CFAP20DC: variants seen among roughly 807,000 people sequenced by gnomAD.
CFAP20DC encodes CFAP20 domain containing, also known as protein CFAP20DC.
A neutral mutation model predicts 101.7 loss-of-function variants in CFAP20DC; 84 were observed. The observed-to-expected ratio is 0.83, with a 90% CI of 0.69 to 0.99. CFAP20DC has a LOEUF of 0.99. Among genes scored for constraint, CFAP20DC ranks in the 50% least tolerant of loss-of-function variants. CFAP20DC has a pLI of 0.00. For missense variants in CFAP20DC, 1,007 were observed against 970.3 expected, an observed-to-expected ratio of 1.04 and a Z score of -0.50; for synonymous variants, 359 against 351.2, an observed-to-expected ratio of 1.02 and a Z score of -0.25.
intron 15 of CFAP20DC, among the ~76,000 whole-genome samples, chr3:58,802,285 G>A (rs908262165): frequency 6.6e-6 from 1 of 152,214 alleles, no homozygotes; most frequent in African/African-American, 2.4e-5. Context: ...GCTGCAAATG[G>A]CATCCATTTT....
chr3:58,848,958 A>G, intron 13 of CFAP20DC, 74 bp downstream of exon 13: 6 of 1,446,770 alleles, frequency 4.1e-6, no homozygotes, highest in South Asian at 2.9e-5. Flanking sequence ...ATACTGCTAA[A>G]AACATGGGTG....
chr3:58,889,095 A>C (rs1196593229), intron 6 of CFAP20DC, among the ~76,000 whole-genome samples: 1 of 152,092 alleles, frequency 6.6e-6, no homozygotes, highest in Admixed American at 6.6e-5. Context: ...ACTTTCTCAC[A>C]GAATATTTCA....
Position 59,043,513 on chromosome 3 carries a change from G to T in CFAP20DC, c.205+2716C>A, listed in dbSNP as rs550866797. Among the ~76,000 whole-genome samples, 222 of 152,060 alleles carry T rather than the reference G, an allele frequency of 1.5e-3. 1 individual carries two copies. The highest frequency in any genetic ancestry group is 5.3e-3 in the African/African-American group (219 of 41,496). ...GACAAGATAAAAATGATACTAAAGT[G>T]GGGGCTTGAGGAGGCCTGGGGAAAC... is the stretch of plus-strand genomic sequence containing the variant. On this transcript the variant is annotated intron_variant, in intron 3 of 16. Transcript: ENST00000482387.
chr3:58,960,465 C>T (rs2091039347), intron 4 of CFAP20DC, among the ~76,000 whole-genome samples: 1 of 149,714 alleles, frequency 6.7e-6, no homozygotes, highest in Admixed American at 6.7e-5. Flanking sequence ...GCACTCCAGC[C>T]TGGGTGACAC....
At chr3:58,808,880 C>G (rs1436231033) in intron 14 of CFAP20DC, among the ~76,000 whole-genome samples, 1 of 152,000 alleles carries the variant, frequency 6.6e-6, no homozygotes, top group Non-Finnish European at 1.5e-5. Context: ...ATCTACCAAG[C>G]AAACGGAAAA....
chr3:58,883,691 T>C (rs2081387367), intron 7 of CFAP20DC, among the ~76,000 whole-genome samples: 1 of 152,224 alleles, frequency 6.6e-6, no homozygotes, highest in South Asian at 2.1e-4. Flanking sequence ...ACTTCAGTGT[T>C]TGTGAGTGTC....
intron 15 of CFAP20DC, among the ~76,000 whole-genome samples, chr3:58,776,276 A>T (rs1051305943): frequency 6.6e-6 from 1 of 152,164 alleles, no homozygotes. Context: ...TTGTTGAGCT[A>T]AAGACAGTTA....
At chr3:58,750,729 G>A (rs929609361) in intron 16 of CFAP20DC, among the ~76,000 whole-genome samples, 1 of 152,188 alleles carries the variant, frequency 6.6e-6, no homozygotes, top group African/African-American at 2.4e-5. Flanking sequence ...TGGTTCATCA[G>A]AGCCCCAGGG....
At chr3:58,910,581 TAA>T (rs1402928866) in intron 6 of CFAP20DC, among the ~76,000 whole-genome samples, 1 of 152,094 alleles carries the variant, frequency 6.6e-6, no homozygotes, top group Non-Finnish European at 1.5e-5. Flanking sequence ...TTCACAGTGC[TAA>T]GTCTTTTTCA....
rs148755922 is a variant in CFAP20DC, at chr3:58,863,576, G to A, written c.1575C>T (p.Gly525=). Residue 525 remains glycine, a synonymous_variant, in exon 12 of 17, where the codon GGC becomes GGT. Coordinates refer to ENST00000482387, the MANE Select transcript of CFAP20DC (RefSeq NM_001394063.1). The surrounding 1 kb of genome is among the most constrained non-coding windows in gnomAD (Gnocchi z 5.9). ...RDTQSEDDFY[G]GDSSEEGNHS... ...AGTGTACCTCTTCACTGCTGTCGCC[G>A]CCGTAAAAATCATCCTCTGATTGGG... The A allele has an allele frequency of 3.0e-5, 49 of 1,613,814 alleles. 1 individual carries two copies. Among genetic ancestry groups the A allele is most frequent in the South Asian group, 1.6e-4 (15 of 91,070 alleles).
intron 4 of CFAP20DC, among the ~76,000 whole-genome samples, chr3:58,976,142 A>C (rs1170834523): frequency 2.6e-5 from 4 of 152,224 alleles, no homozygotes; most frequent in Admixed American, 6.5e-5. Context: ...ATTTATAATG[A>C]CTGATCTCCA....
intron 4 of CFAP20DC, among the ~76,000 whole-genome samples, chr3:58,982,141 AT>A (rs2092575618): frequency 6.6e-6 from 1 of 152,230 alleles, no homozygotes; most frequent in South Asian, 2.1e-4. Flanking sequence ...AGAAATGCAA[AT>A]CAAAACCACA....
At chr3:59,024,937 G>A (rs1460708641) in intron 4 of CFAP20DC, among the ~76,000 whole-genome samples, 1 of 152,174 alleles carries the variant, frequency 6.6e-6, no homozygotes, top group African/African-American at 2.4e-5. Flanking sequence ...AAAAGGGAGT[G>A]CATTTGGAGG....
At chr3:58,810,817 T>C (rs1262984999) in intron 14 of CFAP20DC, among the ~76,000 whole-genome samples, 20 of 151,544 alleles carry the variant, frequency 1.3e-4, no homozygotes, top group Middle Eastern at 3.4e-3. Context: ...ATTGTCTCAG[T>C]CCAAAATCTC....
At position 58,812,449 on chromosome 3, in the gene CFAP20DC, G is replaced by A. The variant is rs563192319; in HGVS notation, c.2176-5993C>T. On this transcript the variant is annotated intron_variant, in intron 14 of 16. Transcript: ENST00000482387. ...AAATCATCATTCTCAGTAAACTATC[G>A]CAAGAACAAAAAACCAAACACCGCA... Among the ~76,000 whole-genome samples, 35 of 151,734 alleles carry A rather than the reference G, an allele frequency of 2.3e-4. No individual in the cohort carries two copies. In the South Asian group the frequency reaches 4.8e-3, roughly 21 times the overall value.
At chr3:58,923,888 T>C (rs1217115104) in intron 5 of CFAP20DC, among the ~76,000 whole-genome samples, 2 of 152,210 alleles carry the variant, frequency 1.3e-5, no homozygotes, top group Non-Finnish European at 2.9e-5. Context: ...TGTGTGATAC[T>C]GTTTCACAGT....
Position 58,795,594 on chromosome 3 carries a change from C to T in CFAP20DC, c.2237+10801G>A, listed in dbSNP as rs535483427. 6.6e-6 allele frequency among the ~76,000 whole-genome samples: 1 copy of T among 152,318 alleles called. No homozygotes were observed. Among genetic ancestry groups the T allele is most frequent in the Admixed American group, 6.5e-5 (1 of 15,298 alleles). ...GAGCCATGATTGTGCCACTGCACTT[C>T]AGCCTGGGTGACAGACTGAGATCCT... On this transcript the variant is annotated intron_variant, in intron 15 of 16. Transcript: ENST00000482387. The surrounding 1 kb of genome is among the most constrained non-coding windows in gnomAD (Gnocchi z 4.2).
rs1405651827 is a variant in CFAP20DC at position 58,914,210 on chromosome 3, G to C, written c.394-346C>G. ...TAGACCAGTGACATCTTGAAAATCA[G>C]AGATAAGTAGCCAATTGTTCCTTCA... On this transcript the variant is annotated intron_variant, in intron 5 of 16. Transcript: ENST00000482387. The surrounding 1 kb of genome is among the most constrained non-coding windows in gnomAD (Gnocchi z 4.9). Among the ~76,000 whole-genome samples the C allele has an allele frequency of 1.3e-5, 2 of 152,148 alleles. No individual in the cohort carries two copies. The highest frequency in any genetic ancestry group is 2.9e-5 in the Non-Finnish European group (2 of 68,012).
rs1216368232 is a variant in CFAP20DC, at chr3:58,742,583, G to C, written c.2333-11C>G. ...TGAGGTCTTCTTCACCTGTGGGGAA[G>C]GGGAACCACAGACACATTAGCTGTT... On this transcript the variant is annotated splice_polypyrimidine_tract_variant and intron_variant, in intron 16 of 16. Coordinates refer to ENST00000482387, the MANE Select transcript of CFAP20DC (RefSeq NM_001394063.1). 6.3e-7 allele frequency: 1 copy of C among 1,591,020 alleles called. No homozygotes were observed.
Sources: allele counts gnomAD v4.1 joint callset (sites outside exome capture counted in the v4.1 genomes callset), GRCh38; gene constraint gnomAD v4.1.1; non-coding constraint Gnocchi (gnomAD v3.1); transcripts MANE v1.5; gene names NCBI Gene and HGNC (gene_info 2026-07-23, HGNC 2026-07-21).